Variants in TMPRSS15 observed in about 807,000 individuals in gnomAD.
The protein encoded by TMPRSS15 is transmembrane serine protease 15, also known as enteropeptidase.
Under a neutral mutation model 125.3 loss-of-function variants are expected in TMPRSS15, and 128 were observed. The observed-to-expected ratio is 1.02, with a 90% CI of 0.89 to 1.18. TMPRSS15 has a LOEUF of 1.18. Among genes scored for constraint, TMPRSS15 ranks in the 50% most tolerant of loss-of-function variants. The probability of loss-of-function intolerance (pLI) is 0.00; values close to 1 mark genes in which losing one functional copy is unlikely to be tolerated. For missense variants in TMPRSS15, 1,283 were observed against 1,212.7 expected, an observed-to-expected ratio of 1.06 and a Z score of -0.86; for synonymous variants, 446 against 423.2, an observed-to-expected ratio of 1.05 and a Z score of -0.66.
rs774262086 is a variant in TMPRSS15, at chr21:18,353,715, ATACT to A, written c.1021+4_1021+7del. ...AAATTAAAAAGCCAAAAAATAAATA[ATACT>A]TACTATTAAGCTCACTGCTGTTAAA... On this transcript the variant is annotated splice_donor_5th_base_variant and intron_variant, in intron 9 of 24. Coordinates refer to ENST00000284885, the MANE Select transcript of TMPRSS15 (RefSeq NM_002772.3). 1 of 1,607,666 alleles carries A rather than the reference ATACT, an allele frequency of 6.2e-7. No homozygotes were observed. Among genetic ancestry groups the A allele is most frequent in the Admixed American group, 1.7e-5 (1 of 59,616 alleles).
At position 18,390,910 on chromosome 21, in the gene TMPRSS15, G is replaced by T. The variant is rs743380; in HGVS notation, c.344+6969C>A. Reference sequence around the variant, plus strand: ...TCAGAAACTTACAATCAGGTTGGAAGCCTAAGGGGAAGCAAGGACCTTCTT... The same window carrying T: ...TCAGAAACTTACAATCAGGTTGGAATCCTAAGGGGAAGCAAGGACCTTCTT... On this transcript the variant is annotated intron_variant, in intron 3 of 24. Transcript: ENST00000284885. Among the ~76,000 whole-genome samples, 1,511 of 152,262 alleles carry T rather than the reference G, an allele frequency of 9.9e-3. 26 individuals carry two copies. The highest frequency in any genetic ancestry group is 0.035 in the African/African-American group (1,450 of 41,540).
intron 14 of TMPRSS15, among the ~76,000 whole-genome samples, 168 bp from the exon 15 acceptor site, chr21:18,329,462 TG>T (rs35428923): frequency 0.42 from 62,316 of 149,670 alleles, 12,956 homozygotes; most frequent in African/African-American, 0.45. Context: ...ATTTTTTTTT[TG>T]GTAAGAAAAT....
chr21:18,380,103 T>G (rs570906511), intron 4 of TMPRSS15, among the ~76,000 whole-genome samples: 2 of 151,350 alleles, frequency 1.3e-5, no homozygotes, highest in Admixed American at 6.6e-5. Flanking sequence ...TCACCCTTAG[T>G]GACCTCCCAA....
intron 1 of TMPRSS15, among the ~76,000 whole-genome samples, chr21:18,450,282 TA>T (rs1168608698): frequency 6.6e-6 from 1 of 152,064 alleles, no homozygotes; most frequent in Non-Finnish European, 1.5e-5. Context: ...TTTTCTAGCA[TA>T]TATTTCATCT....
chr21:18,353,214 AT>A (rs200836510), intron 9 of TMPRSS15, among the ~76,000 whole-genome samples, 162 bp from the exon 10 acceptor site: 3 of 151,590 alleles, frequency 2.0e-5, no homozygotes, highest in Admixed American at 6.6e-5. Flanking sequence ...CATTCTATTT[AT>A]TTTTTTTAAA....
At chr21:18,349,713 A>G (rs2075544655) in intron 10 of TMPRSS15, among the ~76,000 whole-genome samples, 1 of 152,180 alleles carries the variant, frequency 6.6e-6, no homozygotes, top group Admixed American at 6.6e-5. Flanking sequence ...TGTCCTCATT[A>G]TATGACTTGT....
intron 5 of TMPRSS15, among the ~76,000 whole-genome samples, chr21:18,378,667 G>T (rs907501802): frequency 1.1e-4 from 16 of 152,150 alleles, no homozygotes; most frequent in African/African-American, 3.6e-4. Flanking sequence ...TACTTAAAGG[G>T]ATTAGTGACA....
chr21:18,301,168 G>A (rs1047333485), intron 18 of TMPRSS15, among the ~76,000 whole-genome samples: 79 of 152,066 alleles, frequency 5.2e-4, no homozygotes, highest in African/African-American at 1.8e-3. Context: ...TAAGAGTAGG[G>A]TATAGGGCCC....
intron 10 of TMPRSS15, among the ~76,000 whole-genome samples, chr21:18,346,825 A>G (rs1005518828): frequency 6.6e-6 from 1 of 152,172 alleles, no homozygotes; most frequent in Non-Finnish European, 1.5e-5. Flanking sequence ...CTTATGCACA[A>G]TCAAATTAGC....
At chr21:18,332,609 T>A (rs1323007671) in intron 13 of TMPRSS15, among the ~76,000 whole-genome samples, 1 of 152,074 alleles carries the variant, frequency 6.6e-6, no homozygotes, top group East Asian at 1.9e-4. Context: ...TATTGGACAG[T>A]TTGTGGGAAA....
intron 3 of TMPRSS15, among the ~76,000 whole-genome samples, chr21:18,389,500 A>G (rs2075973649): frequency 1.3e-5 from 2 of 152,244 alleles, no homozygotes; most frequent in South Asian, 4.1e-4. Context: ...GGAAAGAAAT[A>G]ATTCCTAAAC....
intron 1 of TMPRSS15, among the ~76,000 whole-genome samples, chr21:18,437,248 G>T (rs1415018820): frequency 6.6e-6 from 1 of 151,562 alleles, no homozygotes; most frequent in Admixed American, 6.6e-5. Flanking sequence ...TTAATAAATG[G>T]TGCTGGGAAA....
intron 16 of TMPRSS15, among the ~76,000 whole-genome samples, chr21:18,320,767 A>C (rs549399796): frequency 6.6e-6 from 1 of 152,356 alleles, no homozygotes; most frequent in South Asian, 2.1e-4. Context: ...CCTTACACGC[A>C]TAAACTGGAT....
chr21:18,293,200 C>T (rs2074859376), intron 21 of TMPRSS15, among the ~76,000 whole-genome samples: 2 of 152,214 alleles, frequency 1.3e-5, no homozygotes, highest in Admixed American at 1.3e-4. Context: ...AAAATTTTCA[C>T]AATCTCTGTG....
intron 1 of TMPRSS15, among the ~76,000 whole-genome samples, chr21:18,467,201 C>A (rs941896128): frequency 6.6e-6 from 1 of 151,932 alleles, no homozygotes; most frequent in Non-Finnish European, 1.5e-5. Flanking sequence ...TAAGTGGGAG[C>A]TGAACAATAA....
chr21:18,340,315 C>T (rs1021126563), intron 13 of TMPRSS15, among the ~76,000 whole-genome samples: 6 of 152,302 alleles, frequency 3.9e-5, no homozygotes, highest in African/African-American at 1.4e-4. Flanking sequence ...TGCCCTCAAA[C>T]ATCAGACTCC....
rs569683231 is a variant in TMPRSS15 at position 18,283,878 on chromosome 21, C to T, written c.2487-2657G>A. Among the ~76,000 whole-genome samples the T allele has an allele frequency of 1.1e-4, 16 of 152,202 alleles. 1 individual carries two copies. In the East Asian group the frequency reaches 2.9e-3, roughly 28 times the overall value. On this transcript the variant is annotated intron_variant, in intron 21 of 24. Coordinates refer to ENST00000284885, the MANE Select transcript of TMPRSS15 (RefSeq NM_002772.3). The stretch of plus-strand genomic sequence containing the variant: ...CAACATAATCACTGATATGAGAGAG[C>T]TTGTAGGTAACATAGTTTAGTAATC...
rs973081352 is a variant in TMPRSS15 at position 18,485,319 on chromosome 21, TTATTA to T, written c.10+475_10+479del. 5.3e-5 allele frequency among the ~76,000 whole-genome samples: 8 copies of T among 151,984 alleles called. No individual in the cohort carries two copies. The East Asian group carries it at 5.8e-4, about 11-fold the overall frequency. ...CAATCTTTATGTATTTTTTCTTGCC[TTATTA>T]TATTAGCTAAGACCCTCAGTTCAAT... is the stretch of plus-strand genomic sequence containing the variant. On this transcript the variant is annotated intron_variant, in intron 1 of 7. Coordinates refer to the TMPRSS15 transcript ENST00000422787.
intron 1 of TMPRSS15, among the ~76,000 whole-genome samples, chr21:18,426,414 A>G (rs2123202183): frequency 6.6e-6 from 1 of 152,316 alleles, no homozygotes; most frequent in South Asian, 2.1e-4. Context: ...GAAATTTTAT[A>G]AGGGGCTTAA....
Sources: gnomAD v4.1 joint callset for allele counts (sites outside exome capture counted in the v4.1 genomes callset) on GRCh38, gnomAD v4.1.1 for gene constraint, MANE v1.5 for transcripts, NCBI Gene and HGNC (gene_info 2026-07-23, HGNC 2026-07-21) for gene names.